Variants in SLC25A21 observed in about 807,000 individuals in gnomAD.
SLC25A21 encodes mitochondrial 2-oxodicarboxylate carrier.
SLC25A21 carries 47 observed loss-of-function variants against 43.8 expected under a neutral mutation model. The observed-to-expected ratio is 1.07, with a 90% CI of 0.85 to 1.37. The LOEUF is 1.37. Among genes scored for constraint, SLC25A21 ranks in the 40% most tolerant of loss-of-function variants. The probability of loss-of-function intolerance (pLI) is 0.00; values close to 1 mark genes in which losing one functional copy is unlikely to be tolerated. For synonymous variants in SLC25A21, 131 were observed against 121.3 expected, an observed-to-expected ratio of 1.08 and a Z score of -0.52; for missense variants, 352 against 350.2, an observed-to-expected ratio of 1.00 and a Z score of -0.04.
intron 6 of SLC25A21, among the ~76,000 whole-genome samples, chr14:36,718,269 T>C (rs971491284): frequency 1.3e-5 from 2 of 152,216 alleles, no homozygotes; most frequent in Non-Finnish European, 2.9e-5. Context: ...TTAGATATTA[T>C]TGAAAGATAA....
At chr14:36,731,545 T>C (rs73262663) in intron 4 of SLC25A21, among the ~76,000 whole-genome samples, 7,226 of 152,248 alleles carry the variant, frequency 0.047, 247 homozygotes, top group Admixed American at 0.12. Flanking sequence ...GTAACTTAGG[T>C]TACCAAAGGA....
At chr14:36,816,326 AAGGGAGTATGGC>A (rs1466245429) in intron 2 of SLC25A21, among the ~76,000 whole-genome samples, 1 of 152,132 alleles carries the variant, frequency 6.6e-6, no homozygotes, top group Non-Finnish European at 1.5e-5. Flanking sequence ...ATGGATTAGA[AAGGGAGTATGGC>A]AGGGAGAACA....
At chr14:37,054,783 T>C (rs550821631) in intron 1 of SLC25A21, among the ~76,000 whole-genome samples, 2 of 152,292 alleles carry the variant, frequency 1.3e-5, no homozygotes, top group African/African-American at 4.8e-5. Context: ...ACTTTCTAGG[T>C]TTAAATAAAA....
At chr14:36,971,820 A>T (rs1364822937) in intron 1 of SLC25A21, among the ~76,000 whole-genome samples, 2 of 152,144 alleles carry the variant, frequency 1.3e-5, no homozygotes, top group Admixed American at 1.3e-4. Context: ...CTGAGAGATT[A>T]TTTCCTACTT....
chr14:36,796,555 CA>C (rs1213976762), intron 3 of SLC25A21, among the ~76,000 whole-genome samples: 1 of 151,902 alleles, frequency 6.6e-6, no homozygotes, highest in Non-Finnish European at 1.5e-5. Flanking sequence ...AAGATGTGTA[CA>C]ATAGGATCCT....
chr14:37,047,919 T>C (rs1961622763), intron 1 of SLC25A21, among the ~76,000 whole-genome samples: 1 of 152,220 alleles, frequency 6.6e-6, no homozygotes. Context: ...GTGTTGGATT[T>C]TATACCACTC....
At chr14:36,726,176 TAG>T (rs1351198987) in intron 5 of SLC25A21, among the ~76,000 whole-genome samples, 1 of 152,254 alleles carries the variant, frequency 6.6e-6, no homozygotes, top group Admixed American at 6.5e-5. Context: ...TTCATGTTTT[TAG>T]AGTCACTATT....
chr14:36,712,440 C>G (rs1424169182), intron 6 of SLC25A21, among the ~76,000 whole-genome samples: 1 of 151,660 alleles, frequency 6.6e-6, no homozygotes, highest in African/African-American at 2.4e-5. Context: ...TTGTGGCAGT[C>G]TGGCACACTT....
intron 2 of SLC25A21, among the ~76,000 whole-genome samples, chr14:36,863,617 G>A (rs945833476): frequency 8.5e-5 from 13 of 152,158 alleles, no homozygotes; most frequent in African/African-American, 3.1e-4. Flanking sequence ...GGGGAGAACT[G>A]ACTGCATTTT....
At chr14:36,760,274 G>A (rs116544383) in intron 3 of SLC25A21, among the ~76,000 whole-genome samples, 3,216 of 150,906 alleles carry the variant, frequency 0.021, 55 homozygotes, top group Non-Finnish European at 0.036. Context: ...CATTTCACAA[G>A]GCACAACTAA....
chr14:36,736,724 T>C (rs1285454282), intron 3 of SLC25A21, among the ~76,000 whole-genome samples: 4 of 151,944 alleles, frequency 2.6e-5, no homozygotes, highest in Non-Finnish European at 4.4e-5. Context: ...CAGAGAACAG[T>C]TATAGGAAGA....
intron 1 of SLC25A21, among the ~76,000 whole-genome samples, chr14:37,091,690 C>T (rs925651744): frequency 2.0e-5 from 3 of 152,164 alleles, no homozygotes; most frequent in African/African-American, 7.2e-5. Context: ...TAAGTATTGA[C>T]TTGGGGGTTA....
chr14:36,904,474 A>T (rs967888480), intron 1 of SLC25A21, among the ~76,000 whole-genome samples: 1 of 152,208 alleles, frequency 6.6e-6, no homozygotes, highest in Non-Finnish European at 1.5e-5. Context: ...TATGGAAAAT[A>T]TAACTAAGGA....
chr14:37,015,063 TAAG>T (rs1219907971), intron 1 of SLC25A21, among the ~76,000 whole-genome samples: 3 of 152,032 alleles, frequency 2.0e-5, no homozygotes, highest in African/African-American at 7.3e-5. Context: ...TATTATACTT[TAAG>T]TATTAGGGTA....
intron 2 of SLC25A21, among the ~76,000 whole-genome samples, chr14:36,831,972 A>G (rs541396869): frequency 5.9e-5 from 9 of 152,346 alleles, no homozygotes; most frequent in Admixed American, 5.9e-4. Flanking sequence ...ATAAAATTTT[A>G]GAAAGATCAA....
intron 1 of SLC25A21, among the ~76,000 whole-genome samples, chr14:37,156,721 A>G (rs567249022): frequency 1.3e-5 from 2 of 151,386 alleles, no homozygotes; most frequent in Non-Finnish European, 2.9e-5. Context: ...CAATCCAACA[A>G]GAGGATATAA....
At chr14:36,815,475 T>A (rs1375980700) in intron 2 of SLC25A21, among the ~76,000 whole-genome samples, 1 of 152,192 alleles carries the variant, frequency 6.6e-6, no homozygotes, top group Non-Finnish European at 1.5e-5. Context: ...CAGTTTACTA[T>A]CGCTACTCGG....
chr14:36,767,432 T>C (rs545647996), intron 3 of SLC25A21, among the ~76,000 whole-genome samples: 1 of 152,348 alleles, frequency 6.6e-6, no homozygotes, highest in African/African-American at 2.4e-5. Flanking sequence ...CATGAGTATC[T>C]CCTCTTAGAG....
At chr14:36,922,337 C>G (rs529286348) in intron 1 of SLC25A21, among the ~76,000 whole-genome samples, 20 of 152,088 alleles carry the variant, frequency 1.3e-4, no homozygotes, top group African/African-American at 4.6e-4. Context: ...TATGATCGTT[C>G]CTGCATTCCA....
Sources: gnomAD v4.1 joint callset for allele counts (sites outside exome capture counted in the v4.1 genomes callset) on GRCh38, gnomAD v4.1.1 for gene constraint, MANE v1.5 for transcripts, NCBI Gene and HGNC (gene_info 2026-07-23, HGNC 2026-07-21) for gene names.